Variants in ITGA6 observed in about 807,000 individuals in gnomAD.
The protein encoded by ITGA6 is integrin subunit alpha 6, also known as integrin alpha-6.
A neutral mutation model predicts 133.6 loss-of-function variants in ITGA6; 63 were observed. The observed-to-expected ratio is 0.47, with a 90% confidence interval of 0.38 to 0.58. The LOEUF (loss-of-function observed/expected upper bound fraction) is 0.58. Ranked by LOEUF, ITGA6 falls within the 20% of genes least tolerant of loss-of-function variation. ITGA6 has a pLI of 0.00. For missense variants in ITGA6, 1,068 were observed against 1,309.4 expected (o/e 0.82, Z 2.85); for synonymous variants, 434 against 482.0 (o/e 0.90, Z 1.30).
intron 24 of ITGA6, among the ~76,000 whole-genome samples, chr2:172,501,417 C>T (rs1438951135): frequency 6.6e-6 from 1 of 152,198 alleles, no homozygotes; most frequent in Middle Eastern, 3.2e-3. Context: ...CAATCTTTTG[C>T]CTCTTTTGGA....
chr2:172,486,196 A>C (rs1038342674), intron 13 of ITGA6, among the ~76,000 whole-genome samples: 2 of 150,470 alleles, frequency 1.3e-5, no homozygotes, highest in Non-Finnish European at 3.0e-5. Context: ...AAAAAAAAAA[A>C]ACAACTAATT....
intron 1 of ITGA6, among the ~76,000 whole-genome samples, chr2:172,431,806 A>T (rs765585114): frequency 1.3e-5 from 2 of 152,228 alleles, no homozygotes; most frequent in African/African-American, 2.4e-5. Context: ...ATTTTAACAC[A>T]GGCTGGTGTG....
At chr2:172,441,087 A>G (rs187772002) in intron 1 of ITGA6, among the ~76,000 whole-genome samples, 197 of 152,210 alleles carry the variant, frequency 1.3e-3, no homozygotes, top group African/African-American at 4.3e-3. Context: ...ATGTTAATCT[A>G]TTACCTGGGA....
intron 1 of ITGA6, among the ~76,000 whole-genome samples, chr2:172,456,261 C>G (rs925193152): frequency 2.0e-5 from 3 of 152,180 alleles, no homozygotes; most frequent in Admixed American, 2.0e-4. Flanking sequence ...ATGAGCTTAC[C>G]CTCAGGTATC....
intron 1 of ITGA6, among the ~76,000 whole-genome samples, chr2:172,440,755 T>C (rs1179367524): frequency 6.6e-6 from 1 of 152,240 alleles, no homozygotes; most frequent in Non-Finnish European, 1.5e-5. Flanking sequence ...CCAAGTAATT[T>C]AAGTTTTTAA....
chr2:172,479,818 C>A, intron 10 of ITGA6, 79 bp downstream of exon 10: 2 of 1,350,464 alleles, frequency 1.5e-6, no homozygotes, highest in Non-Finnish European at 2.1e-6. Flanking sequence ...TCCTGAGGAG[C>A]CACAGGGAAG....
At chr2:172,435,655 T>C (rs1166990248) in intron 1 of ITGA6, among the ~76,000 whole-genome samples, 1 of 132,488 alleles carries the variant, frequency 7.5e-6, no homozygotes, top group Non-Finnish European at 1.5e-5. Context: ...AGACAGAGTC[T>C]CACTCTGTTT....
At chr2:172,467,862 C>T (rs932152100) in intron 3 of ITGA6, among the ~76,000 whole-genome samples, 15 of 152,226 alleles carry the variant, frequency 9.9e-5, no homozygotes, top group African/African-American at 3.4e-4. Flanking sequence ...TGGCATGCGC[C>T]TGTAATCCCA....
chr2:172,427,654 C>T lies in ITGA6; in HGVS notation c.-135C>T. On this transcript the variant is annotated 5_prime_UTR_variant, in exon 1 of 26. Transcript: ENST00000684293. ...GGCCGGACGGAGAGCGCGACCCGTC[C>T]CGGGGGTGGGGCCGGGCGCAGCGGC... 7.6e-7 allele frequency: 1 copy of T among 1,314,386 alleles called. No homozygotes were observed. The highest frequency in any genetic ancestry group is 3.2e-5 in the East Asian group (1 of 30,840). 81.4% of individuals were successfully genotyped at this position (1,314,386 alleles called of 1,614,324 possible).
chr2:172,456,862 G>T (rs1388285350), intron 1 of ITGA6, among the ~76,000 whole-genome samples: 1 of 152,134 alleles, frequency 6.6e-6, no homozygotes, highest in Admixed American at 6.5e-5. Flanking sequence ...TATGAGAGCT[G>T]CCCTTCTGAC....
intron 24 of ITGA6, among the ~76,000 whole-genome samples, chr2:172,498,489 G>C (rs1439306710): frequency 1.3e-5 from 2 of 152,196 alleles, no homozygotes; most frequent in Admixed American, 6.5e-5. Flanking sequence ...TTTCTGTGAA[G>C]AATGTTCATA....
At chr2:172,487,904 T>G (rs2149074898) in intron 17 of ITGA6, 57 bp from the exon 18 acceptor site, 2 of 1,534,134 alleles carry the variant, frequency 1.3e-6, no homozygotes, top group East Asian at 2.2e-5. Context: ...GAAGTCTAAT[T>G]GTAGTGAGAA....
At chr2:172,493,139 C>T (rs1686990587) in intron 23 of ITGA6, among the ~76,000 whole-genome samples, 1 of 152,046 alleles carries the variant, frequency 6.6e-6, no homozygotes, top group African/African-American at 2.4e-5. Context: ...AACTCCTGGA[C>T]TCAAGCAATC....
rs1319059 is a variant in ITGA6, at chr2:172,488,332, G to A, written c.2505+104G>A. 388,967 of 815,498 alleles carry A rather than the reference G, an allele frequency of 0.48. 100,721 individuals carry two copies. Among genetic ancestry groups the A allele is most frequent in the East Asian group, 0.87 (33,324 of 38,208 alleles). The allele number at this position is 815,498 out of a possible 1,614,324, so 50.5% of individuals were successfully genotyped here. On this transcript the variant is annotated intron_variant, in intron 19 of 25. Transcript: ENST00000684293. Reference sequence around the variant, plus strand: ...TAAATCAGCAATATTAATAAGCATTGTAAGTAAATCATGAGTTAAAAATTA... The same window carrying A: ...TAAATCAGCAATATTAATAAGCATTATAAGTAAATCATGAGTTAAAAATTA...
intron 9 of ITGA6, among the ~76,000 whole-genome samples, chr2:172,478,607 C>A (rs538092348): frequency 3.3e-5 from 5 of 152,206 alleles, no homozygotes; most frequent in African/African-American, 1.2e-4. Context: ...CCAAAACATA[C>A]GAAAAGATGT....
chr2:172,471,086 T>A lies in ITGA6; in HGVS notation c.756T>A (p.Val252=), dbSNP rs758295258. 1 of 1,614,240 alleles carries A rather than the reference T, an allele frequency of 6.2e-7. No homozygotes were observed. The highest frequency in any genetic ancestry group is 1.7e-5 in the Admixed American group (1 of 60,030). The change falls in exon 5 of 26, where the codon GTT becomes GTA. Residue 252 remains valine (V), a synonymous_variant. Coordinates refer to ENST00000684293, the MANE Select transcript of ITGA6 (RefSeq NM_000210.4). ...ETEHDESLVP[V]PANSYLGFSL... is the part of the protein sequence containing the mutation. ...AGCATGATGAAAGTCTCGTTCCTGT[T>A]CCTGCTAACAGTTACTTAGGTAGGA...
At chr2:172,451,774 C>T (rs935726660) in intron 1 of ITGA6, among the ~76,000 whole-genome samples, 1 of 152,076 alleles carries the variant, frequency 6.6e-6, no homozygotes, top group Non-Finnish European at 1.5e-5. Flanking sequence ...CTTGTACATC[C>T]ATCTACCTTG....
At chr2:172,427,351 C>T, upstream of ITGA6, 1 of 1,001,360 alleles carries the variant, frequency 1.0e-6, no homozygotes, top group South Asian at 4.4e-5. Context: ...ACTCGGCAAC[C>T]ACAATTCTGT....
chr2:172,467,670 G>C, intron 3 of ITGA6, 110 bp downstream of exon 3: 2 of 838,852 alleles, frequency 2.4e-6, no homozygotes, highest in East Asian at 2.6e-5. Flanking sequence ...CGAACTTACT[G>C]CTTTAAAGCA....
Sources: gnomAD v4.1 joint callset for allele counts (sites outside exome capture counted in the v4.1 genomes callset) on GRCh38, gnomAD v4.1.1 for gene constraint, MANE v1.5 for transcripts, NCBI Gene and HGNC (gene_info 2026-07-23, HGNC 2026-07-21) for gene names.